The following SLC39A10 variants were observed in gnomAD, a reference collection of about 807,000 sequenced individuals.
The protein encoded by SLC39A10 is solute carrier family 39 member 10.
A neutral mutation model predicts 65.1 loss-of-function variants in SLC39A10; 13 were observed. The ratio of observed to expected loss-of-function variants is 0.20; its 90% confidence interval spans 0.13 to 0.32. SLC39A10 has a LOEUF of 0.32. SLC39A10 is among the 10% of genes least tolerant of loss of function. The pLI, the probability that SLC39A10 is intolerant of heterozygous loss-of-function variation, is 1.00. For missense variants in SLC39A10, 831 were observed against 1,018.4 expected, an observed-to-expected ratio of 0.82 and a Z score of 2.50; for synonymous variants, 321 against 342.2, an observed-to-expected ratio of 0.94 and a Z score of 0.68.
intron 4 of SLC39A10, 145 bp from the exon 5 acceptor site, chr2:195,708,511 A>C: frequency 1.7e-6 from 1 of 579,200 alleles, no homozygotes; most frequent in South Asian, 3.5e-5. Flanking sequence ...ATGGAAGACT[A>C]AGTGAGATAA....
chr2:195,668,787 C>T (rs930789217), intron 1 of SLC39A10, among the ~76,000 whole-genome samples: 2 of 152,208 alleles, frequency 1.3e-5, no homozygotes, highest in South Asian at 2.1e-4. Context: ...CTAAATTGAT[C>T]GGGCCGGGTA....
chr2:195,702,267 CAATATTTGGGGAGCAA>C (rs1348511798), intron 3 of SLC39A10, among the ~76,000 whole-genome samples: 2 of 152,118 alleles, frequency 1.3e-5, no homozygotes, highest in African/African-American at 2.4e-5. Context: ...TACAGATCCT[CAATATTTGGGGAGCAA>C]AATACATTTT....
intron 3 of SLC39A10, among the ~76,000 whole-genome samples, chr2:195,698,857 A>AT (rs1048414504): frequency 7.9e-5 from 12 of 151,832 alleles, no homozygotes; most frequent in Non-Finnish European, 1.5e-5. Context: ...CTCCTCTTTG[A>AT]TTTTTTTGGA....
chr2:195,622,746 G>A (rs929010780), intron 2 of SLC39A10, among the ~76,000 whole-genome samples: 1 of 152,192 alleles, frequency 6.6e-6, no homozygotes, highest in African/African-American at 2.4e-5. Flanking sequence ...GCCAAAGCGG[G>A]TGGATCACAA....
intron 1 of SLC39A10, among the ~76,000 whole-genome samples, chr2:195,673,445 A>C (rs1051123616): frequency 3.9e-5 from 6 of 152,242 alleles, no homozygotes; most frequent in African/African-American, 1.4e-4. Flanking sequence ...GGCGTGAGCC[A>C]CAGTGCCCAG....
intron 3 of SLC39A10, among the ~76,000 whole-genome samples, chr2:195,694,627 A>G (rs1690870690): frequency 6.6e-6 from 1 of 152,146 alleles, no homozygotes; most frequent in Non-Finnish European, 1.5e-5. Context: ...AGCTGTGGAT[A>G]CCAGCACCTG....
chr2:195,655,399 C>T (rs1689125182), upstream of SLC39A10, among the ~76,000 whole-genome samples: 1 of 152,064 alleles, frequency 6.6e-6, no homozygotes, highest in African/African-American at 2.4e-5. Flanking sequence ...ACTGCAAGCG[C>T]TATATCTTAT....
chr2:195,681,058 T>C lies in SLC39A10; in HGVS notation c.1008+8T>C, dbSNP rs1559031418. On this transcript the variant is annotated splice_region_variant and intron_variant, in intron 2 of 9. Transcript: ENST00000359634. ...GATGACCATCATCATGAAGTAAGTA[T>C]AAAAAGATGTCCGATAGCTGCTTCG... 4 of 1,592,302 alleles carry C rather than the reference T, an allele frequency of 2.5e-6. No homozygotes were observed. Among genetic ancestry groups the C allele is most frequent in the African/African-American group, 2.7e-5 (2 of 74,124 alleles).
At chr2:195,679,010 T>A (rs2105766698) in intron 1 of SLC39A10, among the ~76,000 whole-genome samples, 1 of 152,330 alleles carries the variant, frequency 6.6e-6, no homozygotes, top group Non-Finnish European at 1.5e-5. Context: ...GATGGACATG[T>A]TCTGCGTCTA....
intron 8 of SLC39A10, among the ~76,000 whole-genome samples, 168 bp downstream of exon 8, chr2:195,718,500 C>G (rs1463846805): frequency 6.6e-6 from 1 of 151,722 alleles, no homozygotes; most frequent in Non-Finnish European, 1.5e-5. Flanking sequence ...AAAAAAAATG[C>G]TCCTTAAGAT....
intron 2 of SLC39A10, among the ~76,000 whole-genome samples, chr2:195,651,092 T>G (rs1689021694): frequency 6.6e-6 from 1 of 151,876 alleles, no homozygotes; most frequent in South Asian, 2.1e-4. Context: ...TTTTTTTTTT[T>G]TATTTAGAAA....
intron 9 of SLC39A10, among the ~76,000 whole-genome samples, chr2:195,732,504 A>C (rs1017265193): frequency 4.6e-5 from 7 of 152,196 alleles, no homozygotes; most frequent in African/African-American, 1.7e-4. Context: ...GTTGACATTC[A>C]GGTTAGAATT....
At chr2:195,731,446 A>G (rs993706513) in intron 9 of SLC39A10, among the ~76,000 whole-genome samples, 2 of 152,100 alleles carry the variant, frequency 1.3e-5, no homozygotes, top group Non-Finnish European at 2.9e-5. Flanking sequence ...TATTAACACC[A>G]TTTTACTTAT....
chr2:195,682,577 A>G (rs544142801), intron 2 of SLC39A10, among the ~76,000 whole-genome samples: 1 of 152,228 alleles, frequency 6.6e-6, no homozygotes, highest in East Asian at 1.9e-4. Context: ...CAGTGCATTA[A>G]TTATTATGAC....
upstream of SLC39A10, among the ~76,000 whole-genome samples, chr2:195,654,020 C>A (rs571113934): frequency 4.0e-4 from 61 of 152,214 alleles, no homozygotes; most frequent in African/African-American, 1.4e-3. Flanking sequence ...CTCACCGCAA[C>A]CTCCACCTCC....
chr2:195,717,134 C>T, intron 7 of SLC39A10, 129 bp downstream of exon 7: 1 of 1,280,070 alleles, frequency 7.8e-7, no homozygotes, highest in Non-Finnish European at 1.1e-6. Context: ...CCAAAGGCTA[C>T]AGTTTTGTGT....
Position 195,680,747 on chromosome 2 carries a change from A to G in SLC39A10, c.705A>G (p.Lys235=). ...DVKLPKGKRK[K]KGRKSNENSE... ...AACTACCGAAAGGAAAGAGGAAGAAAAAAGGGAGGAAAAGTAATGAAAATT... is the reference window on the plus strand; with the variant it reads ...AACTACCGAAAGGAAAGAGGAAGAAGAAAGGGAGGAAAAGTAATGAAAATT... Residue 235 remains lysine, a synonymous_variant, in exon 2 of 10, where the codon AAA becomes AAG. Coordinates refer to ENST00000359634, the MANE Select transcript of SLC39A10 (RefSeq NM_020342.3). 1 of 1,614,174 alleles carries G rather than the reference A, an allele frequency of 6.2e-7. No homozygotes were observed. The highest frequency in any genetic ancestry group is 1.1e-5 in the South Asian group (1 of 91,090).
chr2:195,617,154 A>T (rs973271122), intron 2 of SLC39A10, among the ~76,000 whole-genome samples: 1 of 152,148 alleles, frequency 6.6e-6, no homozygotes, highest in Non-Finnish European at 1.5e-5. Context: ...CCACCTTTTT[A>T]CTTTTAAGTA....
At chr2:195,678,743 T>TA (rs1690191844) in intron 1 of SLC39A10, among the ~76,000 whole-genome samples, 1 of 152,084 alleles carries the variant, frequency 6.6e-6, no homozygotes, top group African/African-American at 2.4e-5. Context: ...GAAATACAGT[T>TA]AGACTGAATT....
Sources: gnomAD v4.1 joint callset for allele counts (sites outside exome capture counted in the v4.1 genomes callset) on GRCh38, gnomAD v4.1.1 for gene constraint, MANE v1.5 for transcripts, NCBI Gene and HGNC (gene_info 2026-07-23, HGNC 2026-07-21) for gene names.